The following PCDHA4 variants were observed in gnomAD, a reference collection of about 807,000 sequenced individuals.
The protein encoded by PCDHA4 is protocadherin alpha-4.
PCDHA4 carries 49 observed loss-of-function variants against 61.4 expected under a neutral mutation model. That is an observed-to-expected ratio of 0.80 (90% CI 0.63 to 1.01). The LOEUF is 1.01. Among genes scored for constraint, PCDHA4 ranks in the 50% least tolerant of loss-of-function variants. PCDHA4 has a pLI of 0.00. For synonymous variants in PCDHA4, 590 were observed against 550.3 expected, an observed-to-expected ratio of 1.07 and a Z score of -1.01; for missense variants, 1,254 against 1,235.8, an observed-to-expected ratio of 1.01 and a Z score of -0.22.
intron 1 of PCDHA4, among the ~76,000 whole-genome samples, chr5:140,833,912 G>A (rs2150212045): frequency 3.3e-5 from 5 of 152,070 alleles, no homozygotes; most frequent in Non-Finnish European, 7.4e-5. Context: ...TAAACTTGCA[G>A]TTGTTTAAAT....
At chr5:140,913,447 CG>C (rs2076342854) in intron 1 of PCDHA4, among the ~76,000 whole-genome samples, 1 of 152,026 alleles carries the variant, frequency 6.6e-6, no homozygotes, top group Non-Finnish European at 1.5e-5. Context: ...TTTTCAGCTC[CG>C]ATTTTATTTA....
chr5:140,897,790 T>C (rs1219376194), intron 1 of PCDHA4, among the ~76,000 whole-genome samples: 378 of 152,274 alleles, frequency 2.5e-3, no homozygotes, highest in African/African-American at 8.4e-3. Flanking sequence ...GTTGAACTAG[T>C]TTAGAGTCCC....
At chr5:140,884,310 GGGCGTC>G (rs1301213144) in intron 1 of PCDHA4, 7 of 1,613,674 alleles carry the variant, frequency 4.3e-6, no homozygotes, top group Non-Finnish European at 5.9e-6. Flanking sequence ...GCTTCGTCGA[GGGCGTC>G]GGCAGGCGCT....
chr5:140,969,221 C>T, intron 1 of PCDHA4: 2 of 1,614,158 alleles, frequency 1.2e-6, no homozygotes, highest in Non-Finnish European at 1.7e-6. Context: ...AGGACCAGGG[C>T]CTTCGGGAGC....
intron 1 of PCDHA4, chr5:140,863,417 G>C: frequency 7.1e-6 from 5 of 701,160 alleles, no homozygotes; most frequent in African/African-American, 1.8e-5. Context: ...CTGGTGTACC[G>C]CAGCGTAGTG....
intron 1 of PCDHA4, among the ~76,000 whole-genome samples, chr5:140,976,505 C>T (rs538128648): frequency 3.3e-5 from 5 of 152,122 alleles, no homozygotes; most frequent in East Asian, 3.9e-4. Flanking sequence ...GAGCCAAGAT[C>T]GCGCCACTGC....
intron 1 of PCDHA4, chr5:140,850,404 C>G: frequency 6.3e-7 from 1 of 1,597,970 alleles, no homozygotes; most frequent in Non-Finnish European, 8.6e-7. Context: ...AACGCGTGCC[C>G]TGGACGAAAC....
intron 1 of PCDHA4, chr5:140,858,397 CG>C (rs1314612729): frequency 2.5e-6 from 4 of 1,573,068 alleles, no homozygotes; most frequent in African/African-American, 2.7e-5. Context: ...TAGATGTGGA[CG>C]GGGAAGATCA....
intron 1 of PCDHA4, chr5:140,848,339 A>T (rs1554142071): frequency 4.5e-6 from 4 of 885,086 alleles, no homozygotes. Context: ...AATCCAGACA[A>T]ATACAGCCCT....
Position 140,807,334 on chromosome 5 carries a change from G to T in PCDHA4, c.147G>T (p.Ala49=), listed in dbSNP as rs782485620. ...ACGGCACCTTCGTGGGCCGCATCGC[G>T]CAGGACCTGGGACTGGAGCTGGCGG... ...AKHGTFVGRI[A]QDLGLELAEL... Residue 49 remains alanine, a synonymous_variant, in exon 1 of 4, where the codon GCG becomes GCT. Coordinates refer to ENST00000530339, the MANE Select transcript of PCDHA4 (RefSeq NM_018907.4). 5 of 1,613,364 alleles carry T rather than the reference G, an allele frequency of 3.1e-6. No individual in the cohort carries two copies. Among genetic ancestry groups the T allele is most frequent in the Admixed American group, 3.3e-5 (2 of 59,962 alleles).
intron 1 of PCDHA4, chr5:140,969,293 C>T: frequency 6.2e-7 from 1 of 1,614,188 alleles, no homozygotes; most frequent in Admixed American, 1.7e-5. Flanking sequence ...TGCTGGGAAC[C>T]TGATTATTCT....
intron 1 of PCDHA4, chr5:140,968,967 A>G (rs782494657): frequency 2.5e-6 from 4 of 1,614,216 alleles, no homozygotes; most frequent in East Asian, 2.2e-5. Context: ...TGCTACCGCT[A>G]CACTGCGTAT....
At chr5:140,966,695 C>A in intron 1 of PCDHA4, 1 of 1,358,486 alleles carries the variant, frequency 7.4e-7, no homozygotes, top group Non-Finnish European at 9.5e-7. Flanking sequence ...AGGCGGGGCC[C>A]GGGCGTGGGG....
chr5:141,007,470 A>G (rs1395064697), intron 3 of PCDHA4, among the ~76,000 whole-genome samples: 2 of 151,494 alleles, frequency 1.3e-5, no homozygotes. Context: ...CAGGAGGCTG[A>G]GGCACGAGAA....
At chr5:140,830,509 A>C (rs1039294822) in intron 1 of PCDHA4, 3 of 1,410,936 alleles carry the variant, frequency 2.1e-6, no homozygotes, top group Non-Finnish European at 2.8e-6. Context: ...CATAATTAAC[A>C]GTTAATTTTT....
intron 1 of PCDHA4, among the ~76,000 whole-genome samples, chr5:140,947,914 GCCTTAAC>G (rs2094192185): frequency 6.6e-6 from 1 of 151,456 alleles, no homozygotes. Context: ...AGACATTCTT[GCCTTAAC>G]CCTGATCTTA....
At chr5:140,972,798 A>G (rs782291338) in intron 1 of PCDHA4, among the ~76,000 whole-genome samples, 6 of 151,178 alleles carry the variant, frequency 4.0e-5, no homozygotes, top group Admixed American at 2.6e-4. Flanking sequence ...TGAGTAGCTG[A>G]GATTACAGGC....
chr5:140,931,414 T>C (rs2087515742), intron 1 of PCDHA4, among the ~76,000 whole-genome samples: 1 of 151,886 alleles, frequency 6.6e-6, no homozygotes, highest in Non-Finnish European at 1.5e-5. Context: ...GGCTGATGAA[T>C]CTAGAAGTTA....
intron 1 of PCDHA4, chr5:140,864,391 A>G (rs1554158881): frequency 6.6e-6 from 1 of 152,234 alleles, no homozygotes; most frequent in African/African-American, 2.4e-5. Context: ...TCTCTCACAA[A>G]TGGTGATGAG....
Sources: allele counts gnomAD v4.1 joint callset (sites outside exome capture counted in the v4.1 genomes callset), GRCh38; gene constraint gnomAD v4.1.1; transcripts MANE v1.5; gene names NCBI Gene and HGNC (gene_info 2026-07-23, HGNC 2026-07-21).